Variants in WDR7 observed in about 807,000 individuals in gnomAD.
WDR7 encodes the protein WD repeat domain 7.
WDR7 carries 46 observed loss-of-function variants against 169.4 expected under a neutral mutation model. The observed-to-expected ratio is 0.27, with a 90% CI of 0.21 to 0.35. WDR7 has a LOEUF of 0.35. Ranked by LOEUF, WDR7 falls within the 10% of genes least tolerant of loss-of-function variation. The pLI, the probability that WDR7 is intolerant of heterozygous loss-of-function variation, is 1.00. For missense variants in WDR7, 1,534 were observed against 1,859.3 expected, an observed-to-expected ratio of 0.83 and a Z score of 3.22; for synonymous variants, 612 against 666.8, an observed-to-expected ratio of 0.92 and a Z score of 1.27.
chr18:56,679,709 C>T (rs1002421348), intron 3 of WDR7, among the ~76,000 whole-genome samples: 3 of 152,076 alleles, frequency 2.0e-5, no homozygotes, highest in South Asian at 4.1e-4. Flanking sequence ...AGTTAAAGCA[C>T]GATCATTCAT....
At chr18:56,789,637 G>T (rs2044454852) in intron 19 of WDR7, among the ~76,000 whole-genome samples, 1 of 152,186 alleles carries the variant, frequency 6.6e-6, no homozygotes, top group Admixed American at 6.5e-5. Flanking sequence ...TCCCACTTAG[G>T]CCCCTGAGGC....
intron 12 of WDR7, chr18:56,699,917 G>A (rs2144659608): frequency 1.0e-6 from 1 of 970,870 alleles, no homozygotes; most frequent in South Asian, 4.8e-5. Context: ...ATGTCAGTAG[G>A]TATTTATCAT....
intron 1 of WDR7, among the ~76,000 whole-genome samples, chr18:56,663,484 T>A (rs1471910629): frequency 1.3e-5 from 2 of 152,216 alleles, no homozygotes; most frequent in Non-Finnish European, 2.9e-5. Flanking sequence ...ATTTTTAAGT[T>A]CTGTCTTTAA....
intron 20 of WDR7, chr18:56,872,804 A>G (rs2045971147): frequency 6.6e-6 from 1 of 152,040 alleles, no homozygotes; most frequent in African/African-American, 2.4e-5. Context: ...ATGTCTCTGG[A>G]AAAAAAATAC....
At chr18:56,692,606 A>G (rs1472931285) in intron 9 of WDR7, among the ~76,000 whole-genome samples, 1 of 151,980 alleles carries the variant, frequency 6.6e-6, no homozygotes, top group African/African-American at 2.4e-5. Context: ...GATCATCTTT[A>G]GCCTGTCTGT....
At chr18:56,681,663 A>C (rs1252684504) in intron 4 of WDR7, among the ~76,000 whole-genome samples, 1 of 152,216 alleles carries the variant, frequency 6.6e-6, no homozygotes, top group Non-Finnish European at 1.5e-5. Flanking sequence ...CCCAAGTGAG[A>C]GCCCCTTCAC....
intron 12 of WDR7, among the ~76,000 whole-genome samples, chr18:56,704,152 C>A (rs908984626): frequency 1.3e-5 from 2 of 152,150 alleles, no homozygotes; most frequent in African/African-American, 4.8e-5. Context: ...ATTACCAATA[C>A]TATATTAGTT....
At chr18:56,681,001 C>T (rs76161288) in intron 3 of WDR7, among the ~76,000 whole-genome samples, 133 of 152,250 alleles carry the variant, frequency 8.7e-4, no homozygotes, top group Non-Finnish European at 1.2e-3. Context: ...TGGAACAGAG[C>T]TCTGGAAAGC....
At chr18:56,823,327 C>T (rs2045134435) in intron 20 of WDR7, among the ~76,000 whole-genome samples, 1 of 152,144 alleles carries the variant, frequency 6.6e-6, no homozygotes, top group South Asian at 2.1e-4. Flanking sequence ...CCTGTAATCC[C>T]AGCACTTTGG....
chr18:56,842,298 G>A (rs1599092590), intron 20 of WDR7, among the ~76,000 whole-genome samples: 1 of 150,210 alleles, frequency 6.7e-6, no homozygotes, highest in Non-Finnish European at 1.5e-5. Flanking sequence ...AGGCGGAAGA[G>A]CAAGAGAGTT....
chr18:56,892,977 G>A (rs1452964861), intron 21 of WDR7, among the ~76,000 whole-genome samples: 1 of 151,984 alleles, frequency 6.6e-6, no homozygotes, highest in East Asian at 1.9e-4. Flanking sequence ...AATGAGAACT[G>A]TACCCTTATA....
chr18:56,824,837 G>A (rs2045168169), intron 20 of WDR7, among the ~76,000 whole-genome samples: 1 of 152,166 alleles, frequency 6.6e-6, no homozygotes, highest in South Asian at 2.1e-4. Flanking sequence ...AGAAGGATGT[G>A]ATACATAGAT....
intron 16 of WDR7, among the ~76,000 whole-genome samples, chr18:56,759,854 A>G (rs895253688): frequency 6.6e-6 from 1 of 152,176 alleles, no homozygotes; most frequent in Non-Finnish European, 1.5e-5. Flanking sequence ...CCTCTTCCAC[A>G]AGACAAGTAC....
intron 13 of WDR7, among the ~76,000 whole-genome samples, chr18:56,725,507 T>A (rs1366637717): frequency 2.0e-5 from 3 of 152,210 alleles, no homozygotes; most frequent in African/African-American, 7.2e-5. Flanking sequence ...GTTGTTTGTT[T>A]TTTTCTTGTA....
intron 26 of WDR7, among the ~76,000 whole-genome samples, chr18:56,987,933 G>C (rs1308800322): frequency 6.6e-6 from 1 of 152,162 alleles, no homozygotes; most frequent in Non-Finnish European, 1.5e-5. Context: ...TACATACTGT[G>C]TGAAAACACA....
intron 12 of WDR7, among the ~76,000 whole-genome samples, chr18:56,716,459 T>G (rs377114967): frequency 2.0e-5 from 3 of 152,168 alleles, no homozygotes; most frequent in African/African-American, 7.2e-5. Flanking sequence ...GAATAAATAG[T>G]TAAATATTAC....
At chr18:56,912,119 T>A (rs906023217) in intron 21 of WDR7, among the ~76,000 whole-genome samples, 1 of 152,156 alleles carries the variant, frequency 6.6e-6, no homozygotes, top group African/African-American at 2.4e-5. Flanking sequence ...GATGCATTCC[T>A]GTAGAAATCA....
intron 25 of WDR7, among the ~76,000 whole-genome samples, chr18:56,958,524 A>T (rs975626489): frequency 1.3e-5 from 2 of 151,870 alleles, no homozygotes; most frequent in Non-Finnish European, 1.5e-5. Context: ...TATTATTTAG[A>T]CTGTTTGTAT....
At chr18:57,032,801 T>TTATATATATATATACA (rs2048448071), downstream of WDR7, 67 of 106,188 alleles carry the variant, frequency 6.3e-4, 3 homozygotes, top group African/African-American at 2.0e-3. Context: ...TATAATTATT[T>TTATATATATATATACA]TATATATATA....
Sources: allele counts gnomAD v4.1 joint callset (sites outside exome capture counted in the v4.1 genomes callset), GRCh38; gene constraint gnomAD v4.1.1; transcripts MANE v1.5; gene names NCBI Gene and HGNC (gene_info 2026-07-23, HGNC 2026-07-21).